The following AVIL variants were observed in gnomAD, a reference collection of about 807,000 sequenced individuals.
AVIL encodes the protein advillin.
Under a neutral mutation model 109.9 loss-of-function variants are expected in AVIL, and 78 were observed. The ratio of observed to expected loss-of-function variants is 0.71; its 90% confidence interval spans 0.59 to 0.86. AVIL has a LOEUF of 0.86. Among genes scored for constraint, AVIL ranks in the 40% least tolerant of loss-of-function variants. AVIL has a pLI of 0.00. For synonymous variants in AVIL, 367 were observed against 379.1 expected (o/e 0.97, Z 0.37); for missense variants, 892 against 1,016.5 (o/e 0.88, Z 1.67).
intron 9 of AVIL, 77 bp downstream of exon 9, chr12:57,809,520 A>C: frequency 2.0e-6 from 3 of 1,510,848 alleles, no homozygotes; most frequent in Non-Finnish European, 2.8e-6. Context: ...AATACCTAGC[A>C]TGGCTCTGTG....
intron 4 of AVIL, among the ~76,000 whole-genome samples, chr12:57,811,571 T>G (rs1204203304): frequency 6.6e-6 from 1 of 152,146 alleles, no homozygotes; most frequent in Non-Finnish European, 1.5e-5. Context: ...AGGAATCAGC[T>G]CACCCGCCCT....
intron 2 of AVIL, chr12:57,814,919 T>G (rs1225897212): frequency 6.6e-6 from 1 of 152,294 alleles, no homozygotes; most frequent in African/African-American, 2.4e-5. Context: ...ATACTGCAAA[T>G]CTGGTAACCG....
chr12:57,808,275 T>A lies in AVIL; in HGVS notation c.1113A>T (p.Lys371Asn). 1 of 1,614,164 alleles carries A rather than the reference T, an allele frequency of 6.2e-7. No homozygotes were observed. Among genetic ancestry groups the A allele is most frequent in the Non-Finnish European group, 8.5e-7 (1 of 1,180,024 alleles). The change falls in exon 11 of 20, where the codon AAA (lysine) becomes AAT (asparagine). Residue 371 changes from lysine to asparagine, a missense_variant. Physicochemically the swap from Lys to Asn is moderately conservative, Grantham distance 94. Coordinates refer to ENST00000549994, the MANE Select transcript of AVIL (RefSeq NM_006576.4). ...IGKIAKVFQD[K>N]FDVTLLHTKP... Reference sequence around the variant, plus strand: ...TGGTGTGTAGCAGAGTCACATCAAATTTATCCTGGAAAACTTTAGCTGTGG... The same window carrying A: ...TGGTGTGTAGCAGAGTCACATCAAAATTATCCTGGAAAACTTTAGCTGTGG...
At chr12:57,800,219 C>CT (rs1955819248) in intron 18 of AVIL, 1 of 257,984 alleles carries the variant, frequency 3.9e-6, no homozygotes, top group Admixed American at 4.8e-5. Flanking sequence ...GATCACATAC[C>CT]TTCTCTTGGT....
In AVIL at chr12:57,799,816, AT is replaced by A; in HGVS notation, c.2324del (p.Asp775ValfsTer2). 2 of 1,614,114 alleles carry A rather than the reference AT, an allele frequency of 1.2e-6. No individual in the cohort carries two copies. The highest frequency in any genetic ancestry group is 1.7e-6 in the Non-Finnish European group (2 of 1,180,012). ...LKNQNQELPE[D>X]VNPAKKENYL... ...TCACCTCCTTTTTGGCAGGGTTTAC[AT>A]CCTCAGGCAGCTCCTGATTCTGGTT... On this transcript the variant is annotated frameshift_variant, in exon 19 of 20. Coordinates refer to ENST00000549994, the MANE Select transcript of AVIL (RefSeq NM_006576.4). LOFTEE classifies it high-confidence loss of function.
intron 11 of AVIL, chr12:57,807,951 T>C (rs1349627609): frequency 1.2e-6 from 1 of 816,464 alleles, no homozygotes; most frequent in African/African-American, 1.7e-5. Flanking sequence ...GGCTCGGTCT[T>C]TGCAAGGCTG....
At chr12:57,799,455 C>T (rs1249415218) in intron 19 of AVIL, among the ~76,000 whole-genome samples, 1 of 152,042 alleles carries the variant, frequency 6.6e-6, no homozygotes, top group East Asian at 1.9e-4. Context: ...CAGGGCCGTG[C>T]CATATATTTT....
At chr12:57,806,918 G>A (rs539598104) in intron 13 of AVIL, among the ~76,000 whole-genome samples, 3 of 152,266 alleles carry the variant, frequency 2.0e-5, no homozygotes, top group South Asian at 2.1e-4. Context: ...GTGCCATTAC[G>A]CATTGCTTGG....
rs537068819 is a variant in AVIL, at chr12:57,805,124, C to T, written c.1671+1236G>A. On this transcript the variant is annotated intron_variant, in intron 14 of 19. Transcript: ENST00000549994. Reference sequence around the variant, plus strand: ...AGGCTGGAGTACAGTGGCGCAATCTCGGCTCACTGCAACCTCCACCTGCCA... The same window carrying T: ...AGGCTGGAGTACAGTGGCGCAATCTTGGCTCACTGCAACCTCCACCTGCCA... Among the ~76,000 whole-genome samples, 8 of 152,216 alleles carry T rather than the reference C, an allele frequency of 5.3e-5. No individual in the cohort carries two copies. In the East Asian group the frequency reaches 1.4e-3, roughly 26 times the overall value.
In AVIL at chr12:57,797,799, G is replaced by C; in HGVS notation, c.*83C>G. On this transcript the variant is annotated 3_prime_UTR_variant, in exon 20 of 20. Coordinates refer to ENST00000549994, the MANE Select transcript of AVIL (RefSeq NM_006576.4). The stretch of plus-strand genomic sequence containing the variant: ...AAATTAAGTAGCTGAATGTCAGGCA[G>C]AAATTGGTGGATAAATTATTTCCTG... 2 of 1,118,570 alleles carry C rather than the reference G, an allele frequency of 1.8e-6. No homozygotes were observed. Among genetic ancestry groups the C allele is most frequent in the Non-Finnish European group, 2.5e-6 (2 of 815,418 alleles). The allele number at this position is 1,118,570 out of a possible 1,614,324, so 69.3% of individuals were successfully genotyped here.
chr12:57,797,383 A>C lies in AVIL; in HGVS notation c.*499T>G, dbSNP rs568113109. The C allele has an allele frequency of 9.1e-6, 9 of 985,314 alleles. No homozygotes were observed. Among genetic ancestry groups the C allele is most frequent in the Non-Finnish European group, 1.1e-5 (9 of 829,924 alleles). 61.0% of individuals were successfully genotyped at this position (985,314 alleles called of 1,614,324 possible). On this transcript the variant is annotated 3_prime_UTR_variant, in exon 20 of 20. Coordinates refer to ENST00000549994, the MANE Select transcript of AVIL (RefSeq NM_006576.4). ...ATACTGAAAATAACTCCATTTGTTC[A>C]TTATAGGTATCTTTATTTGAAAAGT...
At chr12:57,808,648 G>A (rs531741259) in intron 9 of AVIL, 100 bp from the exon 10 acceptor site, 35 of 1,375,030 alleles carry the variant, frequency 2.5e-5, no homozygotes, top group East Asian at 2.5e-5. Context: ...TGATATAAGC[G>A]TCTCCCCTCT....
At chr12:57,817,792 G>A (rs1260538775) in intron 1 of AVIL, among the ~76,000 whole-genome samples, 1 of 152,160 alleles carries the variant, frequency 6.6e-6, no homozygotes, top group Admixed American at 6.5e-5. Flanking sequence ...TAAGCTCCAG[G>A]AAGGGACTTC....
In AVIL at chr12:57,807,632, G is replaced by A. The variant is rs763495935; in HGVS notation, c.1290C>T (p.Tyr430=). The change falls in exon 12 of 20, where the codon TAC becomes TAT. Residue 430 remains tyrosine, a synonymous_variant. Transcript: ENST00000549994. ...TGTGATGTGGCTTCCCATTTACCTCGTATGTGTAGAGGACCAGATAACAGT... is the reference window on the plus strand; with the variant it reads ...TGTGATGTGGCTTCCCATTTACCTCATATGTGTAGAGGACCAGATAACAGT... ...GGDCYLVLYT[Y]EVNGKPHHIL... The A allele has an allele frequency of 5.3e-5, 85 of 1,614,212 alleles. No individual in the cohort carries two copies. The South Asian group carries it at 8.2e-4, about 16-fold the overall frequency.
At chr12:57,808,704 G>T in intron 9 of AVIL, 156 bp from the exon 10 acceptor site, 1 of 860,592 alleles carries the variant, frequency 1.2e-6, no homozygotes, top group Non-Finnish European at 1.7e-6. Flanking sequence ...AAGGACCAAG[G>T]TACCTGCCTA....
At chr12:57,798,892 G>A (rs1473886945) in intron 19 of AVIL, among the ~76,000 whole-genome samples, 2 of 152,134 alleles carry the variant, frequency 1.3e-5, no homozygotes, top group African/African-American at 4.8e-5. Context: ...TGGGATTACA[G>A]GTATGAGCCA....
rs752213058 is a variant in AVIL at position 57,807,642 on chromosome 12, A to G, written c.1280T>C (p.Leu427Pro). 6.2e-7 allele frequency: 1 copy of G among 1,614,132 alleles called. No individual in the cohort carries two copies. The highest frequency in any genetic ancestry group is 1.3e-5 in the African/African-American group (1 of 74,940). Residue 427 changes from leucine to proline, a missense_variant, in exon 12 of 20, where the codon CTC becomes CCC. By Grantham distance (98) the Leu-to-Pro change is moderately conservative. Coordinates refer to ENST00000549994, the MANE Select transcript of AVIL (RefSeq NM_006576.4). ...CTTCCCATTTACCTCGTATGTGTAGAGGACCAGATAACAGTCTCCCCCATA... is the reference window on the plus strand; with the variant it reads ...CTTCCCATTTACCTCGTATGTGTAGGGGACCAGATAACAGTCTCCCCCATA... Reference protein sequence around the residue: ...FFYGGDCYLVLYTYEVNGKPH... With the variant: ...FFYGGDCYLVPYTYEVNGKPH...
intron 19 of AVIL, among the ~76,000 whole-genome samples, chr12:57,798,618 T>C (rs1955783170): frequency 6.6e-6 from 1 of 151,404 alleles, no homozygotes; most frequent in Non-Finnish European, 1.5e-5. Flanking sequence ...TTCTTTTCTT[T>C]TCTTTTTTTT....
chr12:57,814,447 C>A (rs1956076617), intron 2 of AVIL: 2 of 541,482 alleles, frequency 3.7e-6, no homozygotes, highest in Non-Finnish European at 6.7e-6. Context: ...GAACCTTGGT[C>A]CCTATCCTGC....
Sources: allele counts gnomAD v4.1 joint callset (sites outside exome capture counted in the v4.1 genomes callset), GRCh38; gene constraint gnomAD v4.1.1; transcripts MANE v1.5; gene names NCBI Gene and HGNC (gene_info 2026-07-23, HGNC 2026-07-21).